IDNK: variants seen among roughly 807,000 people sequenced by gnomAD.
IDNK encodes the protein IDNK gluconokinase.
Under a neutral mutation model 13.0 loss-of-function variants are expected in IDNK, and 9 were observed. The observed-to-expected ratio is 0.69, with a 90% confidence interval of 0.42 to 1.21. The LOEUF is 1.21. IDNK is among the 50% of genes most tolerant of loss of function. The pLI is 0.00. For missense variants in IDNK, 210 were observed against 237.8 expected, an observed-to-expected ratio of 0.88 and a Z score of 0.77; for synonymous variants, 92 against 94.9, an observed-to-expected ratio of 0.97 and a Z score of 0.18.
Position 83,633,608 on chromosome 9 carries a change from G to A in IDNK, c.168+4649G>A, listed in dbSNP as rs147780215. ...ATTTAAACTCTTTCAAAAATTCAGAGTTGGAAATAAGTACTGTTTATTTCA... is the reference window on the plus strand; with the variant it reads ...ATTTAAACTCTTTCAAAAATTCAGAATTGGAAATAAGTACTGTTTATTTCA... On this transcript the variant is annotated intron_variant, in intron 3 of 4. Coordinates refer to ENST00000376419, the MANE Select transcript of IDNK (RefSeq NM_001001551.4). Among the ~76,000 whole-genome samples the A allele has an allele frequency of 1.2e-4, 18 of 152,332 alleles. No individual in the cohort carries two copies. In the East Asian group the frequency reaches 3.5e-3, roughly 29 times the overall value.
intron 3 of IDNK, among the ~76,000 whole-genome samples, chr9:83,637,291 T>G (rs1441769562): frequency 6.6e-6 from 1 of 152,254 alleles, no homozygotes; most frequent in Non-Finnish European, 1.5e-5. Flanking sequence ...CAATCCTACA[T>G]TAGCACGCAG....
At chr9:83,627,369 G>C (rs1438619649) in intron 1 of IDNK, among the ~76,000 whole-genome samples, 1 of 152,166 alleles carries the variant, frequency 6.6e-6, no homozygotes, top group Non-Finnish European at 1.5e-5. Context: ...TGAGCTTACC[G>C]TTACATCCTG....
intron 3 of IDNK, among the ~76,000 whole-genome samples, chr9:83,635,945 A>G (rs1381585029): frequency 6.6e-6 from 1 of 151,916 alleles, no homozygotes; most frequent in Non-Finnish European, 1.5e-5. Flanking sequence ...GGGAAGTAGA[A>G]CCTCCTGCTA....
chr9:83,624,733 G>A (rs1830801412), intron 1 of IDNK, among the ~76,000 whole-genome samples: 1 of 151,730 alleles, frequency 6.6e-6, no homozygotes, highest in African/African-American at 2.4e-5. Context: ...TTTTGTTTGA[G>A]GCGGAGCTTC....
chr9:83,638,829 A>G (rs1473028408), intron 3 of IDNK, among the ~76,000 whole-genome samples: 1 of 152,240 alleles, frequency 6.6e-6, no homozygotes, highest in Non-Finnish European at 1.5e-5. Flanking sequence ...GACATTTTCT[A>G]ACATACACAA....
chr9:83,624,865 C>T (rs755124134), intron 1 of IDNK, among the ~76,000 whole-genome samples: 4 of 152,142 alleles, frequency 2.6e-5, no homozygotes, highest in African/African-American at 9.7e-5. Context: ...AGGCGCCCAC[C>T]ACCATGCACA....
At chr9:83,642,412 G>A (rs1831336109) in intron 4 of IDNK, among the ~76,000 whole-genome samples, 1 of 152,058 alleles carries the variant, frequency 6.6e-6, no homozygotes, top group Admixed American at 6.5e-5. Context: ...GGGGTTTATG[G>A]TTCTGGGTTT....
chr9:83,623,400 C>T (rs1029207587), intron 1 of IDNK, 179 bp downstream of exon 1: 3 of 630,826 alleles, frequency 4.8e-6, no homozygotes, highest in Middle Eastern at 2.5e-4. Flanking sequence ...CCAGCCTGCT[C>T]GCGGGGCGCC....
intron 3 of IDNK, among the ~76,000 whole-genome samples, chr9:83,635,278 A>G (rs1306435592): frequency 6.6e-6 from 1 of 152,246 alleles, no homozygotes; most frequent in African/African-American, 2.4e-5. Flanking sequence ...ATGTACCAAA[A>G]GAAATACAAC....
intron 3 of IDNK, among the ~76,000 whole-genome samples, chr9:83,637,617 T>G (rs1274656011): frequency 6.6e-6 from 1 of 152,216 alleles, no homozygotes; most frequent in Non-Finnish European, 1.5e-5. Context: ...GAACATCTCA[T>G]GTGCCAAAAT....
At chr9:83,641,232 G>A (rs1228580411) in intron 3 of IDNK, among the ~76,000 whole-genome samples, 1 of 152,182 alleles carries the variant, frequency 6.6e-6, no homozygotes, top group East Asian at 1.9e-4. Context: ...AAAGAATACA[G>A]GCAGTACAAT....
chr9:83,643,303 C>T, intron 4 of IDNK, 126 bp from the exon 5 acceptor site: 1 of 707,350 alleles, frequency 1.4e-6, no homozygotes, highest in East Asian at 2.7e-5. Flanking sequence ...GATGCTTAAA[C>T]ACCATTTTCT....
intron 3 of IDNK, among the ~76,000 whole-genome samples, chr9:83,629,811 T>C (rs887950349): frequency 1.3e-5 from 2 of 152,230 alleles, no homozygotes; most frequent in Non-Finnish European, 2.9e-5. Context: ...CTGTTAACCA[T>C]TGTACCCCCC....
intron 1 of IDNK, among the ~76,000 whole-genome samples, chr9:83,627,205 A>G (rs1348605314): frequency 2.0e-5 from 3 of 152,254 alleles, no homozygotes. Flanking sequence ...GGGGATAGGT[A>G]AAAATTAGGA....
chr9:83,643,286 A>G, intron 4 of IDNK, 143 bp from the exon 5 acceptor site: 2 of 640,038 alleles, frequency 3.1e-6, no homozygotes, highest in South Asian at 4.1e-5. Context: ...CGATGCTAGG[A>G]CTGCCTGATG....
chr9:83,625,428 G>A (rs779797843), intron 1 of IDNK, among the ~76,000 whole-genome samples: 2 of 152,208 alleles, frequency 1.3e-5, no homozygotes, highest in Non-Finnish European at 2.9e-5. Context: ...GGGAATCACT[G>A]TTGTGTGGGT....
In IDNK at chr9:83,643,941, T is replaced by C. The variant is rs2131124910; in HGVS notation, c.*161T>C. 5 of 572,790 alleles carry C rather than the reference T, an allele frequency of 8.7e-6. No homozygotes were observed. The highest frequency in any genetic ancestry group is 7.2e-5 in the South Asian group (3 of 41,856). 35.5% of individuals were successfully genotyped at this position (572,790 alleles called of 1,614,324 possible). A position where few individuals can be genotyped will look rare whatever the true frequency, so the allele number is the denominator to read the frequency against. On this transcript the variant is annotated 3_prime_UTR_variant, in exon 5 of 5. Transcript: ENST00000376419. ...TGTTTAGGTGTAATTTTAGGAATTA[T>C]GCTGGTTCATCAGGAAGCAGAGGGG...
At chr9:83,632,314 C>G (rs951180773) in intron 3 of IDNK, among the ~76,000 whole-genome samples, 1 of 152,106 alleles carries the variant, frequency 6.6e-6, no homozygotes, top group African/African-American at 2.4e-5. Flanking sequence ...CAAGATGTTT[C>G]CATAGGCCAA....
chr9:83,634,537 ATTTT>A (rs1005183035), intron 3 of IDNK, among the ~76,000 whole-genome samples: 2 of 152,186 alleles, frequency 1.3e-5, no homozygotes, highest in African/African-American at 2.4e-5. Context: ...GTTTTCTGTA[ATTTT>A]TGTTTGTTTC....
Sources: gnomAD v4.1 joint callset for allele counts (sites outside exome capture counted in the v4.1 genomes callset) on GRCh38, gnomAD v4.1.1 for gene constraint, MANE v1.5 for transcripts, NCBI Gene and HGNC (gene_info 2026-07-23, HGNC 2026-07-21) for gene names.